The following TTC12 variants were observed in gnomAD, a reference collection of about 807,000 sequenced individuals.
TTC12 encodes the protein tetratricopeptide repeat domain 12, also known as tetratricopeptide repeat protein 12.
Under a neutral mutation model 90.1 loss-of-function variants are expected in TTC12, and 70 were observed. That is an observed-to-expected ratio of 0.78 (90% CI 0.64 to 0.95). TTC12 has a LOEUF of 0.95. Among genes scored for constraint, TTC12 ranks in the 40% least tolerant of loss-of-function variants. The pLI is 0.00. For missense variants in TTC12, 819 were observed against 846.1 expected, an observed-to-expected ratio of 0.97 and a Z score of 0.40; for synonymous variants, 296 against 311.5, an observed-to-expected ratio of 0.95 and a Z score of 0.53.
chr11:113,335,015 T>G lies in TTC12; in HGVS notation c.554T>G (p.Leu185Arg). The G allele has an allele frequency of 6.2e-7, 1 of 1,613,814 alleles. No homozygotes were observed. The highest frequency in any genetic ancestry group is 1.3e-5 in the African/African-American group (1 of 75,046). Reference sequence around the variant, plus strand: ...TATTTTCACATGGGAAAAGCCAACCTGGCCCTGAAGAACTACAGTGTGGTA... The same window carrying G: ...TATTTTCACATGGGAAAAGCCAACCGGGCCCTGAAGAACTACAGTGTGGTA... ...KAYFHMGKANLALKNYSVSRE... is the reference protein window; with the variant it reads ...KAYFHMGKANRALKNYSVSRE... Residue 185 changes from leucine to arginine, a missense_variant, in exon 8 of 22, where the codon CTG becomes CGG. Coordinates refer to ENST00000529221, the MANE Select transcript of TTC12 (RefSeq NM_017868.4).
chr11:113,355,114 T>C (rs1375688646), intron 16 of TTC12, among the ~76,000 whole-genome samples: 1 of 152,186 alleles, frequency 6.6e-6, no homozygotes, highest in South Asian at 2.1e-4. Flanking sequence ...GTAGGCTCTT[T>C]ATTACTGACT....
chr11:113,343,109 G>A (rs189987645), intron 12 of TTC12, among the ~76,000 whole-genome samples: 1 of 152,256 alleles, frequency 6.6e-6, no homozygotes, highest in Admixed American at 6.5e-5. Flanking sequence ...AGAAGGGCAA[G>A]GGAATGCTTA....
In TTC12 at chr11:113,331,574, G is replaced by GT. The variant is rs1316682707; in HGVS notation, c.504+1596dup. On this transcript the variant is annotated intron_variant, in intron 7 of 21. Transcript: ENST00000529221. ...CCTCTCCACTGCAACTTTAAACCCC[G>GT]TAATCCCTGGGTGTGGATGTCATTC... is the stretch of plus-strand genomic sequence containing the variant. 5.3e-5 allele frequency among the ~76,000 whole-genome samples: 8 copies of GT among 152,216 alleles called. No homozygotes were observed. The East Asian group carries it at 1.4e-3, about 26-fold the overall frequency.
chr11:113,365,307 T>C (rs1950150051), intron 21 of TTC12, among the ~76,000 whole-genome samples: 1 of 152,156 alleles, frequency 6.6e-6, no homozygotes, highest in Admixed American at 6.5e-5. Context: ...CTGCTCCCAC[T>C]TGCTGCCGTT....
Position 113,366,253 on chromosome 11 carries a change from G to A in TTC12, c.2071G>A (p.Gly691Ser), listed in dbSNP as rs138333675. ...RFAAQLRKLH[G>S]LEILNSTMKY... ...TGCTGCTCAACTGAGAAAGCTTCATGGCCTAGAAATTCTCAACTCTACGAT... is the reference window on the plus strand; with the variant it reads ...TGCTGCTCAACTGAGAAAGCTTCATAGCCTAGAAATTCTCAACTCTACGAT... Residue 691 changes from glycine (G) to serine (S), a missense_variant, in exon 22 of 22, where the codon GGC (glycine) becomes AGC (serine). Transcript: ENST00000529221. The A allele has an allele frequency of 6.2e-4, 997 of 1,613,678 alleles. 14 individuals are homozygous for A. The East Asian group carries it at 0.019, about 31-fold the overall frequency.
intron 6 of TTC12, among the ~76,000 whole-genome samples, chr11:113,328,729 A>T (rs1947846413): frequency 2.0e-5 from 3 of 152,198 alleles, no homozygotes; most frequent in Admixed American, 2.0e-4. Flanking sequence ...CAATTTTTGA[A>T]CATTTCATCA....
intron 16 of TTC12, among the ~76,000 whole-genome samples, chr11:113,357,307 A>G (rs1176820131): frequency 6.6e-6 from 1 of 151,222 alleles, no homozygotes; most frequent in Non-Finnish European, 1.5e-5. Flanking sequence ...TGTACTGACC[A>G]TTTTCTCTGT....
Position 113,366,337 on chromosome 11 carries a change from G to A in TTC12, c.*37G>A. The A allele has an allele frequency of 6.2e-7, 1 of 1,611,380 alleles. No homozygotes were observed. Among genetic ancestry groups the A allele is most frequent in the African/African-American group, 1.3e-5 (1 of 75,064 alleles). On this transcript the variant is annotated 3_prime_UTR_variant, in exon 22 of 22. Transcript: ENST00000529221. Reference sequence around the variant, plus strand: ...TTTGTGTGCATTTGGGGAACACACAGATGCACACCGTGTGTTGTTCCTATG... The same window carrying A: ...TTTGTGTGCATTTGGGGAACACACAAATGCACACCGTGTGTTGTTCCTATG...
At chr11:113,368,600 C>A, downstream of TTC12, 1 of 1,086,164 alleles carries the variant, frequency 9.2e-7, no homozygotes, top group Non-Finnish European at 1.4e-6. Context: ...CAGAGCTGCT[C>A]ACTGTCTTCA....
intron 10 of TTC12, 46 bp from the exon 11 acceptor site, chr11:113,340,618 C>A: frequency 6.6e-7 from 1 of 1,508,362 alleles, no homozygotes; most frequent in Non-Finnish European, 9.2e-7. Flanking sequence ...AGACACCAGC[C>A]AGCCAGTTTG....
intron 20 of TTC12, chr11:113,364,557 C>T: frequency 6.7e-6 from 3 of 445,870 alleles, no homozygotes; most frequent in Non-Finnish European, 1.3e-5. Flanking sequence ...TTCAAGAAGA[C>T]AGACCTGTCT....
At chr11:113,364,295 C>A (rs1591217736) in intron 20 of TTC12, 2 of 229,620 alleles carry the variant, frequency 8.7e-6, no homozygotes, top group East Asian at 1.1e-4. Context: ...TAGGTTTAGT[C>A]CAGTAACTTA....
At chr11:113,362,322 C>T (rs1949981218) in intron 18 of TTC12, 79 bp from the exon 19 acceptor site, 1 of 1,078,730 alleles carries the variant, frequency 9.3e-7, no homozygotes, top group African/African-American at 1.6e-5. Context: ...TTTTGCCTCA[C>T]CAAACTCCCC....
intron 1 of TTC12, 125 bp downstream of exon 1, chr11:113,314,743 G>A: frequency 6.5e-6 from 1 of 153,158 alleles, no homozygotes; most frequent in Non-Finnish European, 1.5e-5. Context: ...GGTCTGGGAC[G>A]GCTGCGGTCT....
chr11:113,338,910 C>A, intron 9 of TTC12, 76 bp downstream of exon 9: 1 of 1,348,200 alleles, frequency 7.4e-7, no homozygotes, highest in Non-Finnish European at 1.1e-6. Context: ...GCCTTCCGTG[C>A]TTTCACTGCC....
rs781890522 is a variant in TTC12 at position 113,339,436 on chromosome 11, C to A, written c.788C>A (p.Ala263Asp). The change falls in exon 10 of 22, where the codon GCT becomes GAT. Residue 263 changes from alanine (A) to aspartate (D), a missense_variant. Ala to Asp is a moderately radical substitution (Grantham distance 126, BLOSUM62 -2). Transcript: ENST00000529221. ...SKPDQIPLFY[A>D]GGIEILTEMI... Reference sequence around the variant, plus strand: ...CCTGACCAGATCCCCTTGTTCTATGCTGGGGGGATTGAGATCCTGACTGAA... The same window carrying A: ...CCTGACCAGATCCCCTTGTTCTATGATGGGGGGATTGAGATCCTGACTGAA... The A allele has an allele frequency of 6.2e-7, 1 of 1,612,908 alleles. No individual in the cohort carries two copies. The highest frequency in any genetic ancestry group is 1.7e-5 in the Admixed American group (1 of 59,660).
chr11:113,321,195 C>T lies in TTC12; in HGVS notation c.59-2093C>T, dbSNP rs1591515460. Among the ~76,000 whole-genome samples the T allele has an allele frequency of 2.6e-5, 4 of 152,252 alleles. No homozygotes were observed. In the South Asian group the frequency reaches 8.3e-4, roughly 32 times the overall value. ...AAATGCAAATTAAAACAATGAGATA[C>T]CATTCCCATCCATTACATTGACAAC... On this transcript the variant is annotated intron_variant, in intron 2 of 21. Transcript: ENST00000529221.
intron 7 of TTC12, 146 bp from the exon 8 acceptor site, chr11:113,334,820 A>C: frequency 1.7e-6 from 1 of 598,776 alleles, no homozygotes; most frequent in Non-Finnish European, 3.0e-6. Context: ...TAGTTTGGTC[A>C]CAAATGCATA....
intron 6 of TTC12, 188 bp from the exon 7 acceptor site, chr11:113,329,732 G>T: frequency 1.5e-6 from 1 of 660,812 alleles, no homozygotes; most frequent in East Asian, 3.0e-5. Context: ...CGTGGAAGAG[G>T]TCCCTGTATT....
Sources: gnomAD v4.1 joint callset for allele counts (sites outside exome capture counted in the v4.1 genomes callset) on GRCh38, gnomAD v4.1.1 for gene constraint, MANE v1.5 for transcripts, NCBI Gene and HGNC (gene_info 2026-07-23, HGNC 2026-07-21) for gene names.